NEGR1: variants seen among roughly 807,000 people sequenced by gnomAD.
The protein encoded by NEGR1 is IgLON family member 4.
NEGR1 carries 10 observed loss-of-function variants against 40.9 expected under a neutral mutation model. The ratio of observed to expected loss-of-function variants is 0.24; its 90% CI spans 0.15 to 0.42. The LOEUF is 0.42. Ranked by LOEUF, NEGR1 falls within the 10% of genes least tolerant of loss-of-function variation. The pLI is 1.00. For missense variants in NEGR1, 352 were observed against 438.9 expected (o/e 0.80, Z 1.77); for synonymous variants, 185 against 166.8 (o/e 1.11, Z -0.84).
At chr1:72,037,408 A>G (rs772440918) in intron 1 of NEGR1, among the ~76,000 whole-genome samples, 44 of 152,180 alleles carry the variant, frequency 2.9e-4, no homozygotes, top group Non-Finnish European at 5.1e-4. Context: ...CTACTTCACA[A>G]ATGAAGAAAT....
intron 6 of NEGR1, among the ~76,000 whole-genome samples, chr1:71,459,047 TAATAA>T (rs1041819546): frequency 3.3e-5 from 5 of 151,958 alleles, no homozygotes; most frequent in African/African-American, 9.7e-5. Flanking sequence ...ATAAATAAAA[TAATAA>T]AATAAAATAA....
At chr1:71,430,062 G>T (rs1352456674) in intron 6 of NEGR1, among the ~76,000 whole-genome samples, 2 of 152,206 alleles carry the variant, frequency 1.3e-5, no homozygotes, top group African/African-American at 2.4e-5. Context: ...ATTGAAAAGT[G>T]CCAGCCTTCC....
At chr1:71,853,021 A>G (rs930554984) in intron 2 of NEGR1, among the ~76,000 whole-genome samples, 1 of 152,136 alleles carries the variant, frequency 6.6e-6, no homozygotes, top group African/African-American at 2.4e-5. Context: ...AGAAATTTCT[A>G]ATAGTCATGA....
chr1:71,657,490 G>C (rs1651916161), intron 4 of NEGR1, among the ~76,000 whole-genome samples: 1 of 152,110 alleles, frequency 6.6e-6, no homozygotes, highest in Admixed American at 6.6e-5. Flanking sequence ...ACTATATTTA[G>C]AAAGAAACAT....
chr1:72,081,554 T>C (rs1321762728), intron 1 of NEGR1, among the ~76,000 whole-genome samples: 3 of 152,140 alleles, frequency 2.0e-5, no homozygotes, highest in Non-Finnish European at 2.9e-5. Flanking sequence ...CTCTGTCTAC[T>C]AGACTATGAG....
intron 2 of NEGR1, among the ~76,000 whole-genome samples, chr1:71,792,260 G>A (rs1014297062): frequency 3.3e-5 from 5 of 152,110 alleles, no homozygotes; most frequent in Non-Finnish European, 7.4e-5. Context: ...CTGGTTGTAT[G>A]TTGGTTTCTC....
chr1:71,858,991 G>C (rs1252619153), intron 2 of NEGR1, among the ~76,000 whole-genome samples: 1 of 151,906 alleles, frequency 6.6e-6, no homozygotes, highest in Non-Finnish European at 1.5e-5. Context: ...CCCTGATTTT[G>C]GCTTTGTTCC....
Position 71,554,860 on chromosome 1 carries a change from A to T in NEGR1, c.940+37957T>A, listed in dbSNP as rs557167067. Among the ~76,000 whole-genome samples, 22 of 151,618 alleles carry T rather than the reference A, an allele frequency of 1.5e-4. No homozygotes were observed. The South Asian group carries it at 4.6e-3, about 31-fold the overall frequency. ...CTGGAAGATTAGAATGAGAACACTT[A>T]AAGGGGACGCTTTAGAGCACCAAAG... On this transcript the variant is annotated intron_variant, in intron 6 of 6. Transcript: ENST00000357731.
chr1:71,862,967 C>A (rs916550819), intron 2 of NEGR1, among the ~76,000 whole-genome samples: 2 of 151,940 alleles, frequency 1.3e-5, no homozygotes, highest in African/African-American at 2.4e-5. Flanking sequence ...GGCAAGGTTG[C>A]AAAGAAAAAG....
intron 2 of NEGR1, among the ~76,000 whole-genome samples, chr1:71,885,671 T>C (rs915763676): frequency 1.3e-5 from 2 of 152,144 alleles, no homozygotes; most frequent in Admixed American, 6.5e-5. Context: ...GAACAAAATA[T>C]TTAATATGCA....
intron 1 of NEGR1, among the ~76,000 whole-genome samples, chr1:72,222,682 A>G (rs1291229835): frequency 6.6e-6 from 1 of 152,072 alleles, no homozygotes; most frequent in Non-Finnish European, 1.5e-5. Context: ...GTGTCCAATA[A>G]GGTATGCTGA....
chr1:71,787,521 A>G (rs1380836630), intron 2 of NEGR1, among the ~76,000 whole-genome samples: 1 of 152,178 alleles, frequency 6.6e-6, no homozygotes, highest in Admixed American at 6.5e-5. Context: ...TAAAAATAGA[A>G]AAGTCTAGGC....
chr1:72,010,981 G>A (rs1646652276), intron 1 of NEGR1, among the ~76,000 whole-genome samples: 1 of 149,946 alleles, frequency 6.7e-6, no homozygotes, highest in Admixed American at 6.7e-5. Context: ...ATTAACAATG[G>A]GAAATTGAAA....
At chr1:71,807,452 G>C (rs1657819059) in intron 2 of NEGR1, among the ~76,000 whole-genome samples, 1 of 152,116 alleles carries the variant, frequency 6.6e-6, no homozygotes, top group South Asian at 2.1e-4. Context: ...AGTGTATACA[G>C]ATAGAAGTTG....
At chr1:71,909,250 G>A (rs1424352223) in intron 2 of NEGR1, among the ~76,000 whole-genome samples, 2 of 152,130 alleles carry the variant, frequency 1.3e-5, no homozygotes, top group Non-Finnish European at 2.9e-5. Flanking sequence ...ATATCAGCAG[G>A]AGTCCATTTG....
intron 1 of NEGR1, among the ~76,000 whole-genome samples, chr1:72,240,894 C>T (rs1320231536): frequency 6.6e-6 from 1 of 151,678 alleles, no homozygotes; most frequent in Non-Finnish European, 1.5e-5. Context: ...ACTGATTAGC[C>T]TCCTTCTGAT....
chr1:71,593,099 T>G, intron 5 of NEGR1, 131 bp from the exon 6 acceptor site: 1 of 552,758 alleles, frequency 1.8e-6, no homozygotes, highest in East Asian at 2.8e-5. Context: ...AACGTGATAA[T>G]GGTGCAATTT....
intron 6 of NEGR1, among the ~76,000 whole-genome samples, chr1:71,562,183 C>T (rs1250442826): frequency 6.6e-6 from 1 of 151,470 alleles, no homozygotes; most frequent in Admixed American, 6.6e-5. Context: ...GATTATCGGG[C>T]AAAATAATAA....
Position 71,460,013 on chromosome 1 carries a change from C to T in NEGR1, c.941-52443G>A, listed in dbSNP as rs149274752. Among the ~76,000 whole-genome samples the T allele has an allele frequency of 6.4e-4, 97 of 152,324 alleles. 1 individual carries two copies. In the East Asian group the frequency reaches 0.014, roughly 22 times the overall value. On this transcript the variant is annotated intron_variant, in intron 6 of 6. Coordinates refer to ENST00000357731, the MANE Select transcript of NEGR1 (RefSeq NM_173808.3). Reference sequence around the variant, plus strand: ...ATTACTTCATTAATGTCTGCTTCTACTTCCATATCTTTTAGTGCTATAAAA... The same window carrying T: ...ATTACTTCATTAATGTCTGCTTCTATTTCCATATCTTTTAGTGCTATAAAA...
Sources: gnomAD v4.1 joint callset for allele counts (sites outside exome capture counted in the v4.1 genomes callset) on GRCh38, gnomAD v4.1.1 for gene constraint, MANE v1.5 for transcripts, NCBI Gene and HGNC (gene_info 2026-07-23, HGNC 2026-07-21) for gene names.